HRH2: variants seen among roughly 807,000 people sequenced by gnomAD.
HRH2 encodes histamine H2 receptor.
A neutral mutation model predicts 20.1 loss-of-function variants in HRH2; 4 were observed. That is an observed-to-expected ratio of 0.20 (90% confidence interval 0.10 to 0.45). HRH2 has a LOEUF of 0.45. Among genes scored for constraint, HRH2 ranks in the 20% least tolerant of loss-of-function variants. HRH2 has a pLI of 0.99. For synonymous variants in HRH2, 197 were observed against 200.7 expected (o/e 0.98, Z 0.16); for missense variants, 250 against 461.6 (o/e 0.54, Z 4.20).
chr5:175,659,891 G>T (rs1762684276), intron 1 of HRH2, among the ~76,000 whole-genome samples: 3 of 152,128 alleles, frequency 2.0e-5, no homozygotes, highest in African/African-American at 7.2e-5. Context: ...AGGAAGGAAG[G>T]TCACTACTCA....
At chr5:175,658,870 T>A (rs1459422925) in intron 1 of HRH2, among the ~76,000 whole-genome samples, 1 of 152,150 alleles carries the variant, frequency 6.6e-6, no homozygotes, top group Admixed American at 6.5e-5. Context: ...AGAGCCTCAG[T>A]TTCCTCCTCC....
Position 175,665,257 on chromosome 5 carries a change from C to T in HRH2, c.-526+7102C>T, listed in dbSNP as rs371847291. On this transcript the variant is annotated intron_variant, in intron 1 of 2. Coordinates refer to ENST00000636584, the MANE Select transcript of HRH2 (RefSeq NM_001367711.1). ...AGCCTCCCGGGGTTCCTGCTACGAC[C>T]GAGGAGGTACAGGAGCTGCAGGAGC... Among the ~76,000 whole-genome samples the T allele has an allele frequency of 1.3e-4, 20 of 152,238 alleles. No individual in the cohort carries two copies. The East Asian group carries it at 2.5e-3, about 19-fold the overall frequency.
In HRH2 at chr5:175,687,751, A is replaced by G. The variant is rs556974048; in HGVS notation, c.1076+3442A>G. On this transcript the variant is annotated intron_variant, in intron 2 of 2. Transcript: ENST00000636584. The surrounding 1 kb of genome is among the most constrained non-coding windows in gnomAD (Gnocchi z 5.2). ...CTCCCAGCCGCTCCCTGTCTGCTCC[A>G]TCACTCACAGTGAGCTCCCTAAATT... Among the ~76,000 whole-genome samples, 3 of 152,002 alleles carry G rather than the reference A, an allele frequency of 2.0e-5. No homozygotes were observed. Among genetic ancestry groups the G allele is most frequent in the South Asian group, 4.2e-4 (2 of 4,810 alleles).
chr5:175,707,663 C>T (rs953713625), intron 2 of HRH2, 116 bp from the exon 3 acceptor site: 1 of 147,374 alleles, frequency 6.8e-6, no homozygotes, highest in Non-Finnish European at 1.5e-5. Context: ...CTCCCCACCC[C>T]ATCCCACCCT....
chr5:175,665,650 C>T (rs1762866422), intron 1 of HRH2, among the ~76,000 whole-genome samples: 1 of 152,212 alleles, frequency 6.6e-6, no homozygotes, highest in Non-Finnish European at 1.5e-5. Flanking sequence ...ACCACACTCC[C>T]AGGGCCAGAG....
chr5:175,697,644 C>T (rs1561739759), intron 2 of HRH2, among the ~76,000 whole-genome samples: 2 of 152,162 alleles, frequency 1.3e-5, no homozygotes, highest in Non-Finnish European at 2.9e-5. Context: ...CTGTCCGGGT[C>T]ACAGACTTAG....
At position 175,709,201 on chromosome 5, in the gene HRH2, T is replaced by A. The variant is rs1292008217; in HGVS notation, c.*1230T>A. 1 of 152,008 alleles carries A rather than the reference T, an allele frequency of 6.6e-6. No homozygotes were observed. The highest frequency in any genetic ancestry group is 2.4e-5 in the African/African-American group (1 of 41,320). The allele number at this position is 152,008 out of a possible 1,614,324, so 9.4% of individuals were successfully genotyped here. On this transcript the variant is annotated 3_prime_UTR_variant, in exon 3 of 3. Coordinates refer to ENST00000636584, the MANE Select transcript of HRH2 (RefSeq NM_001367711.1). Reference sequence around the variant, plus strand: ...TGGTTTCCAAGATGCTTCATGATCTTCCCCCTCCCTGACATCCCCGACCTC... The same window carrying A: ...TGGTTTCCAAGATGCTTCATGATCTACCCCCTCCCTGACATCCCCGACCTC...
chr5:175,699,246 C>G (rs600812), intron 2 of HRH2, among the ~76,000 whole-genome samples: 15,512 of 152,182 alleles, frequency 0.1, 2,495 homozygotes, highest in African/African-American at 0.34. Flanking sequence ...AGGTGACTTT[C>G]TGTCCTGAAA....
intron 2 of HRH2, among the ~76,000 whole-genome samples, chr5:175,699,206 G>A (rs1458167440): frequency 6.6e-6 from 1 of 152,186 alleles, no homozygotes; most frequent in Non-Finnish European, 1.5e-5. Context: ...AAAACAAGGG[G>A]GAATGAAAAG....
rs971923331 is a variant in HRH2, at chr5:175,709,147, C to T, written c.*1176C>T. The T allele has an allele frequency of 2.0e-5, 3 of 152,192 alleles. No homozygotes were observed. The highest frequency in any genetic ancestry group is 2.9e-5 in the Non-Finnish European group (2 of 68,082). 9.4% of individuals were successfully genotyped at this position (152,192 alleles called of 1,614,324 possible). A position where few individuals can be genotyped will look rare whatever the true frequency, so the allele number is the denominator to read the frequency against. On this transcript the variant is annotated 3_prime_UTR_variant, in exon 3 of 3. Transcript: ENST00000636584. ...CCCCAGGGCTTCTCAGTGGCATCTCCTGGCTGGCCCCTGACACTCAATCTT... is the reference window on the plus strand; with the variant it reads ...CCCCAGGGCTTCTCAGTGGCATCTCTTGGCTGGCCCCTGACACTCAATCTT...
chr5:175,668,433 G>T (rs1755391898), intron 1 of HRH2, among the ~76,000 whole-genome samples: 1 of 152,158 alleles, frequency 6.6e-6, no homozygotes, highest in Non-Finnish European at 1.5e-5. Context: ...TATTACTCAG[G>T]AAGTTGGCTC....
At chr5:175,702,243 TAAAAC>T (rs2113560585) in intron 2 of HRH2, among the ~76,000 whole-genome samples, 1 of 151,000 alleles carries the variant, frequency 6.6e-6, no homozygotes, top group East Asian at 1.9e-4. Context: ...GAAATCAACT[TAAAAC>T]AAGAAAAGAG....
chr5:175,677,197 G>A lies in HRH2; in HGVS notation c.-525-5512G>A, dbSNP rs1755790089. ...TTTTGTAGATATAGGGTCTCACTACGTTGCCCAGGCTGGTCTCAAATTCCT... is the reference window on the plus strand; with the variant it reads ...TTTTGTAGATATAGGGTCTCACTACATTGCCCAGGCTGGTCTCAAATTCCT... On this transcript the variant is annotated intron_variant, in intron 1 of 2. Coordinates refer to ENST00000636584, the MANE Select transcript of HRH2 (RefSeq NM_001367711.1). This position sits in a 1 kb window ranked among gnomAD's most constrained non-coding sequence, Gnocchi z 4.2. Among the ~76,000 whole-genome samples, 1 of 152,126 alleles carries A rather than the reference G, an allele frequency of 6.6e-6. No individual in the cohort carries two copies. Among genetic ancestry groups the A allele is most frequent in the South Asian group, 2.1e-4 (1 of 4,822 alleles).
rs147129221 is a variant in HRH2 at position 175,701,241 on chromosome 5, C to T, written c.1077-6538C>T. On this transcript the variant is annotated intron_variant, in intron 2 of 2. Transcript: ENST00000636584. ...CCTGGTGGCTGAACATATTATAACACGGTCCATGTAAAAACACGGGAGTCA... is the reference window on the plus strand; with the variant it reads ...CCTGGTGGCTGAACATATTATAACATGGTCCATGTAAAAACACGGGAGTCA... Among the ~76,000 whole-genome samples the T allele has an allele frequency of 3.6e-4, 55 of 152,290 alleles. 2 individuals carry two copies. The East Asian group carries it at 6.2e-3, about 17-fold the overall frequency.
At chr5:175,680,999 A>T (rs117144639) in intron 1 of HRH2, among the ~76,000 whole-genome samples, 1 of 152,220 alleles carries the variant, frequency 6.6e-6, no homozygotes, top group East Asian at 1.9e-4. Context: ...AGGCTGGTCC[A>T]CTCAGATTTG....
At chr5:175,659,146 G>T (rs1056960708) in intron 1 of HRH2, among the ~76,000 whole-genome samples, 1 of 152,134 alleles carries the variant, frequency 6.6e-6, no homozygotes, top group African/African-American at 2.4e-5. Flanking sequence ...GAATGTGGGG[G>T]GCCCAGAAGC....
intron 2 of HRH2, among the ~76,000 whole-genome samples, chr5:175,695,950 C>T (rs899614231): frequency 6.6e-6 from 1 of 152,246 alleles, no homozygotes; most frequent in Non-Finnish European, 1.5e-5. Context: ...GGGGCTACAC[C>T]CAAGACACAG....
chr5:175,684,326 T>C lies in HRH2; in HGVS notation c.1076+17T>C, dbSNP rs753419573. On this transcript the variant is annotated intron_variant, in intron 2 of 2. Coordinates refer to ENST00000636584, the MANE Select transcript of HRH2 (RefSeq NM_001367711.1). ...CACAGACAGGTAATAGCCCTAGCCATTGGTGCACAGGATGGGGGCAATGGG... is the reference window on the plus strand; with the variant it reads ...CACAGACAGGTAATAGCCCTAGCCACTGGTGCACAGGATGGGGGCAATGGG... 8 of 1,609,690 alleles carry C rather than the reference T, an allele frequency of 5.0e-6. No individual in the cohort carries two copies. The highest frequency in any genetic ancestry group is 1.1e-5 in the South Asian group (1 of 90,828).
intron 1 of HRH2, among the ~76,000 whole-genome samples, chr5:175,676,994 C>A (rs1755782371): frequency 6.6e-6 from 1 of 151,646 alleles, no homozygotes; most frequent in Non-Finnish European, 1.5e-5. Flanking sequence ...CTTTTCTTTT[C>A]TTTCTCTCTT....
Sources: gnomAD v4.1 joint callset for allele counts (sites outside exome capture counted in the v4.1 genomes callset) on GRCh38, gnomAD v4.1.1 for gene constraint, Gnocchi (gnomAD v3.1) non-coding constraint, MANE v1.5 for transcripts, NCBI Gene and HGNC (gene_info 2026-07-23, HGNC 2026-07-21) for gene names.